The following GRID2 variants were observed in gnomAD, a reference collection of about 807,000 sequenced individuals.
GRID2 encodes the protein glutamate receptor ionotropic, delta-2.
Under a neutral mutation model 114.8 loss-of-function variants are expected in GRID2, and 33 were observed. That is an observed-to-expected ratio of 0.29 (90% CI 0.22 to 0.38). GRID2 has a LOEUF of 0.38. GRID2 is among the 10% of genes least tolerant of loss of function. GRID2 has a pLI of 1.00. For synonymous variants in GRID2, 505 were observed against 449.9 expected, an observed-to-expected ratio of 1.12 and a Z score of -1.55; for missense variants, 1,184 against 1,257.7, an observed-to-expected ratio of 0.94 and a Z score of 0.89.
chr4:93,805,394 T>C (rs977014296), intron 1 of GRID2, among the ~76,000 whole-genome samples: 1 of 152,254 alleles, frequency 6.6e-6, no homozygotes, highest in African/African-American at 2.4e-5. Flanking sequence ...GAAATTAGTG[T>C]TCACAGACCT....
intron 9 of GRID2, among the ~76,000 whole-genome samples, chr4:93,401,559 A>G (rs76973342): frequency 0.014 from 2,078 of 152,250 alleles, 45 homozygotes; most frequent in African/African-American, 0.046. Flanking sequence ...CTGGGCAAGA[A>G]GCCACATAAA....
chr4:92,406,172 C>T (rs1463937193), intron 1 of GRID2, among the ~76,000 whole-genome samples: 3 of 152,166 alleles, frequency 2.0e-5, no homozygotes, highest in African/African-American at 7.2e-5. Flanking sequence ...TGTTAATGTC[C>T]TTTGGCAACA....
chr4:93,202,127 TAC>T (rs1432531328), intron 4 of GRID2, among the ~76,000 whole-genome samples: 10 of 152,174 alleles, frequency 6.6e-5, no homozygotes, highest in African/African-American at 1.9e-4. Context: ...GGAAATTCAT[TAC>T]CAAGGGAAAG....
rs142460415 is a variant in GRID2 at position 92,706,858 on chromosome 4, T to C, written c.244+116572T>C. ...TAAAGTGAAATAAAATGATGCTTTA[T>C]TTTGTCTGAAAGTTTGCCAACAGTG... On this transcript the variant is annotated intron_variant, in intron 2 of 15. Transcript: ENST00000282020. 5.7e-4 allele frequency among the ~76,000 whole-genome samples: 87 copies of C among 152,316 alleles called. 1 individual carries two copies. In the East Asian group the frequency reaches 0.014, roughly 25 times the overall value.
chr4:93,659,963 C>T (rs899784057), intron 14 of GRID2, among the ~76,000 whole-genome samples: 15 of 151,940 alleles, frequency 9.9e-5, no homozygotes, highest in Admixed American at 4.6e-4. Context: ...CATTATTTTA[C>T]ATGAATACCA....
chr4:92,677,365 A>T (rs565469463), intron 2 of GRID2, among the ~76,000 whole-genome samples: 31 of 152,340 alleles, frequency 2.0e-4, no homozygotes, highest in South Asian at 1.2e-3. Flanking sequence ...GATCAGAGGA[A>T]TAAGACAACT....
At chr4:93,490,312 C>T (rs1240326138) in intron 11 of GRID2, among the ~76,000 whole-genome samples, 1 of 151,754 alleles carries the variant, frequency 6.6e-6, no homozygotes, top group Non-Finnish European at 1.5e-5. Flanking sequence ...TGTCACCTAA[C>T]TAATGAATAA....
intron 2 of GRID2, among the ~76,000 whole-genome samples, chr4:93,007,251 T>C (rs374924): frequency 0.64 from 96,463 of 151,792 alleles, 32,591 homozygotes; most frequent in African/African-American, 0.86. Flanking sequence ...GAAAGTTTTT[T>C]AGAAATAAGG....
chr4:92,387,634 GAGGA>G, intron 1 of GRID2, among the ~76,000 whole-genome samples: 1 of 152,084 alleles, frequency 6.6e-6, no homozygotes, highest in South Asian at 2.1e-4. Flanking sequence ...GGAGACAAGG[GAGGA>G]AGGAAGTGTA....
intron 5 of GRID2, among the ~76,000 whole-genome samples, chr4:93,210,685 A>T (rs1010950108): frequency 3.3e-5 from 5 of 152,114 alleles, no homozygotes; most frequent in Admixed American, 3.3e-4. Context: ...TTCATATTAT[A>T]TAGGTGTAAC....
At chr4:93,109,665 T>C (rs1732582343) in intron 3 of GRID2, among the ~76,000 whole-genome samples, 1 of 152,152 alleles carries the variant, frequency 6.6e-6, no homozygotes, top group Admixed American at 6.6e-5. Context: ...TACTTGTTTC[T>C]CTAGTATTTG....
At chr4:93,398,091 TGA>T (rs1215450113) in intron 9 of GRID2, among the ~76,000 whole-genome samples, 1 of 137,560 alleles carries the variant, frequency 7.3e-6, no homozygotes, top group African/African-American at 3.1e-5. Context: ...AAGAGGAAAC[TGA>T]GACATCCAGA....
At chr4:92,857,080 AAATC>A (rs1363548098) in intron 2 of GRID2, among the ~76,000 whole-genome samples, 1 of 152,204 alleles carries the variant, frequency 6.6e-6, no homozygotes, top group Non-Finnish European at 1.5e-5. Context: ...ATAGCAAACT[AAATC>A]AATCAGTGTT....
intron 1 of GRID2, among the ~76,000 whole-genome samples, chr4:92,367,896 A>T (rs1480645013): frequency 3.3e-5 from 5 of 151,616 alleles, no homozygotes; most frequent in South Asian, 2.1e-4. Flanking sequence ...ATTCCAAATG[A>T]TCTCTTGAAA....
intron 14 of GRID2, among the ~76,000 whole-genome samples, chr4:93,723,776 G>A (rs1003178671): frequency 3.3e-5 from 5 of 152,116 alleles, no homozygotes; most frequent in African/African-American, 1.2e-4. Context: ...AGGTAACCAA[G>A]CCTTCTTAGT....
intron 1 of GRID2, among the ~76,000 whole-genome samples, chr4:92,375,167 TTAAGTA>T (rs760342486): frequency 3.9e-5 from 6 of 152,152 alleles, no homozygotes; most frequent in Non-Finnish European, 5.9e-5. Context: ...AGGATGTTGT[TTAAGTA>T]TAACTTAAAA....
At chr4:93,048,934 A>G (rs1726427628) in intron 2 of GRID2, among the ~76,000 whole-genome samples, 1 of 152,064 alleles carries the variant, frequency 6.6e-6, no homozygotes, top group African/African-American at 2.4e-5. Flanking sequence ...TATTGAGACA[A>G]ATGTTAAATA....
At chr4:93,470,622 G>A (rs974123948) in intron 11 of GRID2, among the ~76,000 whole-genome samples, 3 of 151,968 alleles carry the variant, frequency 2.0e-5, no homozygotes, top group South Asian at 2.1e-4. Context: ...TATTACATAC[G>A]TGTGTGTATA....
chr4:93,719,551 G>T (rs749429057), intron 14 of GRID2, among the ~76,000 whole-genome samples: 4 of 151,888 alleles, frequency 2.6e-5, no homozygotes, highest in Non-Finnish European at 5.9e-5. Flanking sequence ...CCGCTCACAA[G>T]GCAGTGTTAC....
Sources: allele counts gnomAD v4.1 joint callset (sites outside exome capture counted in the v4.1 genomes callset), GRCh38; gene constraint gnomAD v4.1.1; transcripts MANE v1.5; gene names NCBI Gene and HGNC (gene_info 2026-07-23, HGNC 2026-07-21).